CHODL: variants seen among roughly 807,000 people sequenced by gnomAD.
The protein encoded by CHODL is transmembrane protein MT75.
CHODL carries 29 observed loss-of-function variants against 34.5 expected under a neutral mutation model. That is an observed-to-expected ratio of 0.84 (90% CI 0.63 to 1.15). The LOEUF is 1.15. CHODL is among the 50% of genes most tolerant of loss of function. The pLI, the probability that CHODL is intolerant of heterozygous loss-of-function variation, is 0.00. For synonymous variants in CHODL, 125 were observed against 116.1 expected, an observed-to-expected ratio of 1.08 and a Z score of -0.49; for missense variants, 332 against 332.5, an observed-to-expected ratio of 1.00 and a Z score of 0.01.
chr21:18,089,900 C>T (rs154748), intron 2 of CHODL, among the ~76,000 whole-genome samples: 6 of 151,834 alleles, frequency 4.0e-5, no homozygotes, highest in African/African-American at 9.7e-5. Context: ...AGTTTTATAG[C>T]GGAAGAGGGT....
At chr21:17,989,263 T>C (rs930030604) in intron 1 of CHODL, among the ~76,000 whole-genome samples, 1 of 152,200 alleles carries the variant, frequency 6.6e-6, no homozygotes, top group African/African-American at 2.4e-5. Context: ...CTGGCTCTCT[T>C]TGAGTCCTTC....
intron 1 of CHODL, among the ~76,000 whole-genome samples, chr21:17,933,110 T>C (rs1204379280): frequency 6.6e-6 from 1 of 152,124 alleles, no homozygotes; most frequent in Non-Finnish European, 1.5e-5. Flanking sequence ...AGCCCTAAGG[T>C]GGTTTTCCCC....
At chr21:18,241,992 G>C (rs1025343140), upstream of CHODL, among the ~76,000 whole-genome samples, 2 of 151,412 alleles carry the variant, frequency 1.3e-5, no homozygotes, top group African/African-American at 4.9e-5. Flanking sequence ...GTTCTCATTT[G>C]AGTCTTTTTT....
At chr21:18,257,841 G>T (rs73318246) in intron 3 of CHODL, among the ~76,000 whole-genome samples, 1 of 152,072 alleles carries the variant, frequency 6.6e-6, no homozygotes, top group Admixed American at 6.6e-5. Context: ...AGGACGGATC[G>T]TCTGAATTCA....
chr21:18,173,249 G>A (rs181952863), intron 2 of CHODL, among the ~76,000 whole-genome samples: 1 of 152,190 alleles, frequency 6.6e-6, no homozygotes, highest in Admixed American at 6.5e-5. Context: ...AACACGATAT[G>A]ATCACAGGAG....
At chr21:18,059,666 G>C (rs1401571098) in intron 2 of CHODL, among the ~76,000 whole-genome samples, 1 of 151,968 alleles carries the variant, frequency 6.6e-6, no homozygotes, top group Admixed American at 6.6e-5. Context: ...CCCCAATAGG[G>C]CCCAGTGTGA....
At chr21:18,134,707 A>G (rs369667661) in intron 2 of CHODL, among the ~76,000 whole-genome samples, 1 of 152,306 alleles carries the variant, frequency 6.6e-6, no homozygotes, top group African/African-American at 2.4e-5. Context: ...TCCTGAAGGT[A>G]CTTTCACCTC....
chr21:18,210,691 T>C (rs1346191197), intron 2 of CHODL, among the ~76,000 whole-genome samples: 1 of 152,216 alleles, frequency 6.6e-6, no homozygotes, highest in Non-Finnish European at 1.5e-5. Context: ...CTTCCATAGC[T>C]ACTACCTTGG....
At chr21:18,094,373 T>C (rs2146534053) in intron 2 of CHODL, among the ~76,000 whole-genome samples, 1 of 152,308 alleles carries the variant, frequency 6.6e-6, no homozygotes, top group Non-Finnish European at 1.5e-5. Context: ...GCCTAAGAGA[T>C]ATTTACAGAA....
intron 2 of CHODL, among the ~76,000 whole-genome samples, chr21:18,122,475 G>A (rs1453579933): frequency 6.6e-6 from 1 of 152,022 alleles, no homozygotes; most frequent in Non-Finnish European, 1.5e-5. Context: ...TGCTCAAATG[G>A]CTGATTAAAA....
chr21:18,124,358 A>G (rs2065517205), intron 2 of CHODL, among the ~76,000 whole-genome samples: 1 of 152,186 alleles, frequency 6.6e-6, no homozygotes. Context: ...GCTTGGCCCT[A>G]CACCAGTATA....
At chr21:18,005,839 A>G (rs1313500428) in intron 1 of CHODL, among the ~76,000 whole-genome samples, 1 of 152,100 alleles carries the variant, frequency 6.6e-6, no homozygotes, top group Non-Finnish European at 1.5e-5. Context: ...GGGATGGAGG[A>G]AGGGAGAGCA....
intron 1 of CHODL, among the ~76,000 whole-genome samples, chr21:18,255,882 T>G (rs2074309321): frequency 1.3e-5 from 2 of 152,012 alleles, no homozygotes; most frequent in Non-Finnish European, 2.9e-5. Context: ...GTAATGAGAT[T>G]TTTTCAGAGA....
chr21:18,019,583 C>A (rs940345175), intron 1 of CHODL, among the ~76,000 whole-genome samples: 1 of 151,804 alleles, frequency 6.6e-6, no homozygotes, highest in African/African-American at 2.4e-5. Context: ...ATCTCATGTA[C>A]CTCATAATTA....
At chr21:18,229,040 T>C (rs2146751828) in intron 2 of CHODL, among the ~76,000 whole-genome samples, 1 of 152,190 alleles carries the variant, frequency 6.6e-6, no homozygotes. Flanking sequence ...AATTTATTTA[T>C]GAATCTTCTG....
rs192965689 is a variant in CHODL, at chr21:17,964,443, G to T, written c.-145+47043G>T. On this transcript the variant is annotated intron_variant, in intron 1 of 6. Coordinates refer to the CHODL transcript ENST00000400127. ...TTATTTAAGTTTAAATAATAGAGAA[G>T]CCAATTTAATTTGGCAGAGGCTTCA... 2.4e-3 allele frequency among the ~76,000 whole-genome samples: 360 copies of T among 152,328 alleles called. 3 individuals are homozygous for T. Among genetic ancestry groups the T allele is most frequent in the Non-Finnish European group, 4.1e-4 (28 of 68,032 alleles).
rs141310842 is a variant in CHODL at position 18,013,723 on chromosome 21, C to T, written c.-144-14149C>T. Among the ~76,000 whole-genome samples the T allele has an allele frequency of 6.1e-3, 848 of 139,152 alleles. 10 individuals carry two copies. The highest frequency in any genetic ancestry group is 0.022 in the African/African-American group (813 of 36,710). 91.3% of individuals were successfully genotyped at this position (139,152 alleles called of 152,430 possible). A position where few individuals can be genotyped will look rare whatever the true frequency, so the allele number is the denominator to read the frequency against. ...GATCTCGGTTCACTGCAACCTCTGC[C>T]GCCTGGGTTCAAGCAATTCTCCTCT... On this transcript the variant is annotated intron_variant, in intron 1 of 6. Transcript: ENST00000400127.
chr21:18,136,624 TG>T (rs1198155177), intron 2 of CHODL, among the ~76,000 whole-genome samples: 1 of 150,834 alleles, frequency 6.6e-6, no homozygotes, highest in Non-Finnish European at 1.5e-5. Context: ...TGTGTGTGCG[TG>T]CGCACACACA....
intron 2 of CHODL, among the ~76,000 whole-genome samples, chr21:18,059,474 T>TA (rs886288093): frequency 3.3e-5 from 5 of 150,986 alleles, no homozygotes; most frequent in African/African-American, 1.2e-4. Context: ...TCTAACTGCC[T>TA]AAAACTCAAA....
Sources: gnomAD v4.1 joint callset for allele counts (sites outside exome capture counted in the v4.1 genomes callset) on GRCh38, gnomAD v4.1.1 for gene constraint, MANE v1.5 for transcripts, NCBI Gene and HGNC (gene_info 2026-07-23, HGNC 2026-07-21) for gene names.